SMCHD1: variants seen among roughly 807,000 people sequenced by gnomAD.
The protein encoded by SMCHD1 is structural maintenance of chromosomes flexible hinge domain-containing protein 1.
Under a neutral mutation model 254.7 loss-of-function variants are expected in SMCHD1, and 78 were observed. The ratio of observed to expected loss-of-function variants is 0.31; its 90% CI spans 0.26 to 0.37. The LOEUF (loss-of-function observed/expected upper bound fraction) is 0.37. Ranked by LOEUF, SMCHD1 falls within the 10% of genes least tolerant of loss-of-function variation. SMCHD1 has a pLI of 1.00. For synonymous variants in SMCHD1, 766 were observed against 794.9 expected (o/e 0.96, Z 0.61); for missense variants, 1,840 against 2,408.1 (o/e 0.76, Z 4.94).
rs545751535 is a variant in SMCHD1, at chr18:2,724,809, C to T, written c.2604-90C>T. 1.0e-5 allele frequency: 5 copies of T among 496,108 alleles called. No individual in the cohort carries two copies. In the South Asian group the frequency reaches 2.2e-4, roughly 22 times the overall value. 30.7% of individuals were successfully genotyped at this position (496,108 alleles called of 1,614,324 possible). On this transcript the variant is annotated intron_variant, in intron 20 of 47. Transcript: ENST00000320876. The stretch of plus-strand genomic sequence containing the variant: ...AAAAATATTTTATTAGAAAACTAGA[C>T]ATGCCAATGTCACATAGGAAAGCAA...
chr18:2,689,278 C>T (rs926633634), intron 7 of SMCHD1, among the ~76,000 whole-genome samples: 2 of 140,070 alleles, frequency 1.4e-5, no homozygotes, highest in South Asian at 2.3e-4. Flanking sequence ...AGTGCAGTGG[C>T]GCAACCTCAG....
At chr18:2,763,506 G>A (rs1463680934) in intron 36 of SMCHD1, 131 bp from the exon 37 acceptor site, 8 of 702,220 alleles carry the variant, frequency 1.1e-5, no homozygotes, top group African/African-American at 1.9e-5. Flanking sequence ...TGAATTTTGT[G>A]CTTAGACTAA....
At chr18:2,741,650 G>A (rs1387232873) in intron 28 of SMCHD1, among the ~76,000 whole-genome samples, 1 of 152,098 alleles carries the variant, frequency 6.6e-6, no homozygotes, top group Non-Finnish European at 1.5e-5. Context: ...GATAAAATAT[G>A]CTCTTTGACT....
intron 29 of SMCHD1, among the ~76,000 whole-genome samples, chr18:2,744,963 C>G (rs976666875): frequency 1.3e-5 from 2 of 152,208 alleles, no homozygotes; most frequent in Non-Finnish European, 2.9e-5. Flanking sequence ...CCTGCCTCAG[C>G]CTCCCAAGTA....
At chr18:2,679,013 A>C (rs951232832) in intron 5 of SMCHD1, among the ~76,000 whole-genome samples, 5 of 150,632 alleles carry the variant, frequency 3.3e-5, no homozygotes, top group African/African-American at 1.2e-4. Context: ...ATGCCCGGCT[A>C]ATTTTTGTAT....
rs147939203 is a variant in SMCHD1 at position 2,690,940 on chromosome 18, G to A, written c.873+2193G>A. Among the ~76,000 whole-genome samples the A allele has an allele frequency of 8.4e-4, 112 of 132,920 alleles. No homozygotes were observed. In the East Asian group the frequency reaches 0.022, roughly 27 times the overall value. 87.2% of individuals were successfully genotyped at this position (132,920 alleles called of 152,430 possible). ...TGAGAAGGGGAGAGGGCAGCAAAAT[G>A]TTGGCCATTTGATAATTGAAAAAAA... On this transcript the variant is annotated intron_variant, in intron 7 of 47. Transcript: ENST00000320876.
rs116599328 is a variant in SMCHD1, at chr18:2,705,676, T to A, written c.1843-18T>A. ...CTTAATACTGAAGCTTTTTTTTTTT[T>A]TAAAAACTAAATATTAGGTCAAGAC... On this transcript the variant is annotated intron_variant, in intron 13 of 47. Coordinates refer to ENST00000320876, the MANE Select transcript of SMCHD1 (RefSeq NM_015295.3). 0.013 allele frequency: 15,766 copies of A among 1,251,770 alleles called. 196 individuals carry two copies. The highest frequency in any genetic ancestry group is 0.047 in the African/African-American group (3,169 of 66,746). The allele number at this position is 1,251,770 out of a possible 1,614,324, so 77.5% of individuals were successfully genotyped here. A position where few individuals can be genotyped will look rare whatever the true frequency, so the allele number is the denominator to read the frequency against.
intron 19 of SMCHD1, among the ~76,000 whole-genome samples, chr18:2,720,568 T>C (rs1333395359): frequency 6.6e-6 from 1 of 152,198 alleles, no homozygotes; most frequent in Non-Finnish European, 1.5e-5. Context: ...TTTTAGGTCT[T>C]GTCTCTTTGG....
chr18:2,662,049 C>T (rs2073280091), intron 1 of SMCHD1, among the ~76,000 whole-genome samples: 1 of 142,892 alleles, frequency 7.0e-6, no homozygotes, highest in Non-Finnish European at 1.5e-5. Flanking sequence ...GTCCCAGCTA[C>T]TCGGGAGGCT....
intron 21 of SMCHD1, 23 bp downstream of exon 21, chr18:2,725,018 A>G (rs1316088603): frequency 1.5e-5 from 19 of 1,302,160 alleles, no homozygotes; most frequent in Non-Finnish European, 1.9e-5. Flanking sequence ...TATAGATCCT[A>G]TGATACTTGT....
chr18:2,695,598 T>A (rs2074269415), intron 8 of SMCHD1, among the ~76,000 whole-genome samples: 1 of 152,114 alleles, frequency 6.6e-6, no homozygotes, highest in Admixed American at 6.5e-5. Flanking sequence ...GCGTGAGCCA[T>A]CGCGCCCGGC....
chr18:2,694,076 ATGTGTT>A, intron 7 of SMCHD1, among the ~76,000 whole-genome samples: 1 of 152,130 alleles, frequency 6.6e-6, no homozygotes, highest in South Asian at 2.1e-4. Flanking sequence ...TTTAAGCACT[ATGTGTT>A]TGGGCTTAGC....
intron 20 of SMCHD1, 51 bp from the exon 21 acceptor site, chr18:2,724,848 G>A (rs949947059): frequency 1.0e-6 from 1 of 994,376 alleles, no homozygotes; most frequent in East Asian, 2.8e-5. Flanking sequence ...CACATTTGCA[G>A]CTTACTTGTA....
chr18:2,725,944 A>G (rs1355605394), intron 21 of SMCHD1, among the ~76,000 whole-genome samples: 2 of 151,932 alleles, frequency 1.3e-5, no homozygotes, highest in Non-Finnish European at 2.9e-5. Context: ...ACAGAGCTTT[A>G]TATATTTATC....
chr18:2,696,912 T>C (rs949520117), intron 8 of SMCHD1, 120 bp from the exon 9 acceptor site: 2 of 492,620 alleles, frequency 4.1e-6, no homozygotes. Context: ...ATATGTATTT[T>C]AAAATGCTTA....
chr18:2,784,355 GT>G, intron 44 of SMCHD1, 94 bp from the exon 45 acceptor site: 1 of 1,087,008 alleles, frequency 9.2e-7, no homozygotes, highest in Non-Finnish European at 1.3e-6. Context: ...CTGTGATCCT[GT>G]CATTTCTAAT....
In SMCHD1 at chr18:2,675,954, ACAAT is replaced by A. The variant is rs373155318; in HGVS notation, c.638+1812_638+1815del. Among the ~76,000 whole-genome samples the A allele has an allele frequency of 3.7e-4, 57 of 152,304 alleles. 1 individual carries two copies. The South Asian group carries it at 0.011, about 29-fold the overall frequency. On this transcript the variant is annotated intron_variant, in intron 5 of 47. Coordinates refer to ENST00000320876, the MANE Select transcript of SMCHD1 (RefSeq NM_015295.3). ...AGCTTTATGGGTTTGGTGTCAGTAAACAATCAGTTGTTATTATAGCTGTTAGGTA... is the reference window on the plus strand; with the variant it reads ...AGCTTTATGGGTTTGGTGTCAGTAAACAGTTGTTATTATAGCTGTTAGGTA...
At chr18:2,743,732 G>A in intron 28 of SMCHD1, 29 bp from the exon 29 acceptor site, 2 of 1,550,008 alleles carry the variant, frequency 1.3e-6, no homozygotes, top group Non-Finnish European at 8.8e-7. Context: ...GATACCCCCT[G>A]TCTTTCTCAA....
At chr18:2,679,791 AT>A (rs1295048200) in intron 5 of SMCHD1, among the ~76,000 whole-genome samples, 2 of 151,032 alleles carry the variant, frequency 1.3e-5, no homozygotes, top group Admixed American at 1.3e-4. Flanking sequence ...GTTTTTGGCC[AT>A]TTTTTTCTCT....
Sources: allele counts gnomAD v4.1 joint callset (sites outside exome capture counted in the v4.1 genomes callset), GRCh38; gene constraint gnomAD v4.1.1; transcripts MANE v1.5; gene names NCBI Gene and HGNC (gene_info 2026-07-23, HGNC 2026-07-21).